The following FMNL2 variants were observed in gnomAD, a reference collection of about 807,000 sequenced individuals.
The protein encoded by FMNL2 is formin like 2.
In FMNL2, 51 loss-of-function variants were observed where a neutral mutation model predicts 130.2. The ratio of observed to expected loss-of-function variants is 0.39; its 90% CI spans 0.31 to 0.49. The LOEUF is 0.49. FMNL2 is among the 20% of genes least tolerant of loss of function. The probability of loss-of-function intolerance (pLI) is 0.85; values close to 1 mark genes in which losing one functional copy is unlikely to be tolerated. For missense variants in FMNL2, 977 were observed against 1,316.2 expected (o/e 0.74, Z 3.99); for synonymous variants, 465 against 467.1 (o/e 1.00, Z 0.06).
rs925707518 is a variant in FMNL2 at position 152,493,102 on chromosome 2, CA to C, written c.118-28838del. ...GTACATCATAAAGCAATGAATGATT[CA>C]AATTGGCACTGTAAGAATAAGTTCT... On this transcript the variant is annotated intron_variant, in intron 1 of 25. Transcript: ENST00000288670. Among the ~76,000 whole-genome samples, 40 of 152,108 alleles carry C rather than the reference CA, an allele frequency of 2.6e-4. 1 individual carries two copies. The highest frequency in any genetic ancestry group is 9.6e-4 in the African/African-American group (40 of 41,514).
At chr2:152,391,684 A>T (rs1685116081) in intron 1 of FMNL2, among the ~76,000 whole-genome samples, 1 of 150,806 alleles carries the variant, frequency 6.6e-6, no homozygotes, top group South Asian at 2.1e-4. Context: ...GGTTTTGAAT[A>T]TAGTGACTTG....
chr2:152,532,426 G>A (rs1039916392), intron 2 of FMNL2, among the ~76,000 whole-genome samples: 1 of 152,038 alleles, frequency 6.6e-6, no homozygotes, highest in African/African-American at 2.4e-5. Context: ...CCTTGGTATT[G>A]TCAGTCCGTT....
At position 152,534,564 on chromosome 2, in the gene FMNL2, C is replaced by CT. The variant is rs10719527; in HGVS notation, c.202-8157dup. ...CAAGAACTCTTAAGGCTTATTTTGT[C>CT]TTTTTTTTTTTTTTTTTTCCTGATC... On this transcript the variant is annotated intron_variant, in intron 2 of 25. Coordinates refer to ENST00000288670, the MANE Select transcript of FMNL2 (RefSeq NM_052905.4). Among the ~76,000 whole-genome samples the CT allele has an allele frequency of 4.0e-3, 529 of 131,554 alleles. 6 individuals are homozygous for CT. The highest frequency in any genetic ancestry group is 0.013 in the African/African-American group (452 of 34,994). The allele number at this position is 131,554 out of a possible 152,430, so 86.3% of individuals were successfully genotyped here.
intron 1 of FMNL2, among the ~76,000 whole-genome samples, chr2:152,465,388 A>G (rs570018595): frequency 6.6e-6 from 1 of 152,358 alleles, no homozygotes; most frequent in East Asian, 1.9e-4. Flanking sequence ...AGATTTGGAA[A>G]TACTTGGCTG....
intron 1 of FMNL2, among the ~76,000 whole-genome samples, chr2:152,356,962 A>G (rs1426708772): frequency 1.3e-5 from 2 of 149,146 alleles, no homozygotes; most frequent in Non-Finnish European, 1.5e-5. Context: ...ATATATAACG[A>G]TAAATATTAA....
intron 1 of FMNL2, among the ~76,000 whole-genome samples, chr2:152,502,818 G>T (rs1421681401): frequency 2.0e-5 from 3 of 152,210 alleles, no homozygotes; most frequent in Non-Finnish European, 4.4e-5. Flanking sequence ...GCGAGTTCTT[G>T]TATAAGGGGG....
intron 9 of FMNL2, among the ~76,000 whole-genome samples, chr2:152,589,777 G>A (rs1331029254): frequency 6.6e-6 from 1 of 151,476 alleles, no homozygotes; most frequent in Admixed American, 6.6e-5. Flanking sequence ...TTCGTGAAAG[G>A]CCTATTTAAG....
intron 3 of FMNL2, among the ~76,000 whole-genome samples, chr2:152,543,359 C>G (rs1448119367): frequency 6.6e-6 from 1 of 152,098 alleles, no homozygotes; most frequent in Non-Finnish European, 1.5e-5. Context: ...ACAAGCCCTG[C>G]TTTGTGCAGC....
chr2:152,404,883 T>TC (rs1218517163), intron 1 of FMNL2, among the ~76,000 whole-genome samples: 3 of 152,236 alleles, frequency 2.0e-5, no homozygotes, highest in Non-Finnish European at 4.4e-5. Context: ...TGTTGATGTC[T>TC]ATCTACAAGT....
intron 1 of FMNL2, among the ~76,000 whole-genome samples, chr2:152,336,089 A>T (rs1163178073): frequency 1.6e-3 from 162 of 102,212 alleles, no homozygotes; most frequent in Middle Eastern, 6.7e-3. Flanking sequence ...CTTTTTTTTT[A>T]AAAAAAACAA....
intron 1 of FMNL2, 42 bp from the exon 2 acceptor site, chr2:152,521,901 G>A (rs1558934753): frequency 6.6e-7 from 1 of 1,513,882 alleles, no homozygotes; most frequent in Non-Finnish European, 9.2e-7. Flanking sequence ...GAAGCCTGCT[G>A]TGGAATGTGA....
At position 152,649,572 on chromosome 2, in the gene FMNL2, A is replaced by AAAAT. The variant is rs1293941396; in HGVS notation, c.*1669_*1672dup. The AAAAT allele has an allele frequency of 4.6e-5, 7 of 152,730 alleles. No individual in the cohort carries two copies. Among genetic ancestry groups the AAAAT allele is most frequent in the African/African-American group, 1.7e-4 (7 of 41,570 alleles). 9.5% of individuals were successfully genotyped at this position (152,730 alleles called of 1,614,324 possible). A position where few individuals can be genotyped will look rare whatever the true frequency, so the allele number is the denominator to read the frequency against. ...GTGGACTCAACATTCACTTCGATTA[A>AAAAT]AAATAGCAATTTGACCAAGTTGGAC... On this transcript the variant is annotated 3_prime_UTR_variant, in exon 26 of 26. Coordinates refer to ENST00000288670, the MANE Select transcript of FMNL2 (RefSeq NM_052905.4).
chr2:152,386,277 T>C (rs971928659), intron 1 of FMNL2, among the ~76,000 whole-genome samples: 1 of 152,182 alleles, frequency 6.6e-6, no homozygotes, highest in Non-Finnish European at 1.5e-5. Flanking sequence ...TTCACTGTAA[T>C]CCCGGGTGCA....
chr2:152,594,239 ATGTAT>A (rs1454771236), intron 9 of FMNL2, among the ~76,000 whole-genome samples: 2 of 152,200 alleles, frequency 1.3e-5, no homozygotes, highest in Non-Finnish European at 2.9e-5. Flanking sequence ...TGTATGTAAC[ATGTAT>A]TGTGTGTACC....
In FMNL2 at chr2:152,595,389, C is replaced by G. The variant is rs147281579; in HGVS notation, c.877-11950C>G. Among the ~76,000 whole-genome samples the G allele has an allele frequency of 5.0e-3, 763 of 152,248 alleles. 5 individuals carry two copies. The highest frequency in any genetic ancestry group is 0.017 in the African/African-American group (717 of 41,550). On this transcript the variant is annotated intron_variant, in intron 9 of 25. Coordinates refer to ENST00000288670, the MANE Select transcript of FMNL2 (RefSeq NM_052905.4). ...AGGCTGGAGTGCAGTGGCGCAATCTCGGCTCACTGCAACCTCCACCTCCCG... is the reference window on the plus strand; with the variant it reads ...AGGCTGGAGTGCAGTGGCGCAATCTGGGCTCACTGCAACCTCCACCTCCCG...
chr2:152,605,997 G>A (rs111925287), intron 9 of FMNL2, among the ~76,000 whole-genome samples: 2 of 152,288 alleles, frequency 1.3e-5, no homozygotes, highest in Admixed American at 1.3e-4. Context: ...TAACAAATAC[G>A]ATTGGGAACT....
Position 152,648,911 on chromosome 2 carries a change from A to G in FMNL2, c.*1006A>G, listed in dbSNP as rs1683845225. On this transcript the variant is annotated 3_prime_UTR_variant, in exon 26 of 26. Coordinates refer to ENST00000288670, the MANE Select transcript of FMNL2 (RefSeq NM_052905.4). ...TGGAGAATTGCAGTTTAAGTTGCTG[A>G]AAAGTATTAACATGGTATTAAGCTT... is the stretch of plus-strand genomic sequence containing the variant. 6.6e-6 allele frequency: 1 copy of G among 152,586 alleles called. No homozygotes were observed. The allele number at this position is 152,586 out of a possible 1,614,324, so 9.5% of individuals were successfully genotyped here.
chr2:152,398,866 T>A (rs1398152791), intron 1 of FMNL2, among the ~76,000 whole-genome samples: 1 of 152,132 alleles, frequency 6.6e-6, no homozygotes, highest in African/African-American at 2.4e-5. Context: ...CATGACCAGA[T>A]GATTGAGAAG....
intron 18 of FMNL2, 138 bp from the exon 19 acceptor site, chr2:152,629,518 A>T: frequency 1.4e-6 from 1 of 725,520 alleles, no homozygotes; most frequent in Non-Finnish European, 2.2e-6. Flanking sequence ...TATACTTAGA[A>T]AAAGTAGACT....
Sources: allele counts gnomAD v4.1 joint callset (sites outside exome capture counted in the v4.1 genomes callset), GRCh38; gene constraint gnomAD v4.1.1; transcripts MANE v1.5; gene names NCBI Gene and HGNC (gene_info 2026-07-23, HGNC 2026-07-21).